The following ANKS1A variants were observed in gnomAD, a reference collection of about 807,000 sequenced individuals.
ANKS1A encodes the protein ankyrin repeat and sterile alpha motif domain containing 1A, also known as ankyrin repeat and SAM domain-containing protein 1A.
In ANKS1A, 55 loss-of-function variants were observed where a neutral mutation model predicts 120.3. That is an observed-to-expected ratio of 0.46 (90% CI 0.37 to 0.57). ANKS1A has a LOEUF of 0.57. Ranked by LOEUF, ANKS1A falls within the 20% of genes least tolerant of loss-of-function variation. The pLI, the probability that ANKS1A is intolerant of heterozygous loss-of-function variation, is 0.00. For synonymous variants in ANKS1A, 590 were observed against 604.7 expected (o/e 0.98, Z 0.36); for missense variants, 1,123 against 1,480.3 (o/e 0.76, Z 3.96).
rs1778131838 is a variant in ANKS1A at position 35,088,682 on chromosome 6, T to C, written c.*73T>C. On this transcript the variant is annotated 3_prime_UTR_variant, in exon 24 of 24. Transcript: ENST00000360359. ...TAGGCTCCCACTGCCACCACCGCCA[T>C]CGCCTCACCTGCAGCTCTGAAGACC... is the stretch of plus-strand genomic sequence containing the variant. 1 of 1,613,344 alleles carries C rather than the reference T, an allele frequency of 6.2e-7. No individual in the cohort carries two copies. Among genetic ancestry groups the C allele is most frequent in the Non-Finnish European group, 8.5e-7 (1 of 1,179,582 alleles).
In ANKS1A at chr6:35,086,001, G is replaced by T; in HGVS notation, c.3303+65G>T. On this transcript the variant is annotated intron_variant, in intron 22 of 23. Transcript: ENST00000360359. The surrounding 1 kb of genome is among the most constrained non-coding windows in gnomAD (Gnocchi z 5.1). Reference sequence around the variant, plus strand: ...CCCCAGGGATTCAAGGGCTCAGGGTGGTCAGCGTGAGGAGGGTCTTCTGGC... The same window carrying T: ...CCCCAGGGATTCAAGGGCTCAGGGTTGTCAGCGTGAGGAGGGTCTTCTGGC... 1 of 1,512,582 alleles carries T rather than the reference G, an allele frequency of 6.6e-7. No individual in the cohort carries two copies. The highest frequency in any genetic ancestry group is 1.3e-5 in the South Asian group (1 of 76,338). 93.7% of individuals were successfully genotyped at this position (1,512,582 alleles called of 1,614,324 possible).
chr6:34,967,208 T>C, intron 1 of ANKS1A, 31 bp from the exon 2 acceptor site: 13 of 1,603,678 alleles, frequency 8.1e-6, no homozygotes, highest in Non-Finnish European at 1.1e-5. Context: ...CTGTGAAATC[T>C]ATGTCTCTCT....
At position 35,091,199 on chromosome 6, in the gene ANKS1A, A is replaced by G; in HGVS notation, c.*2590A>G. ...ATGACTTTCCCTTTTGTTTTACTGTATATAAAATTGTTAATCTGTCTGATT... is the reference window on the plus strand; with the variant it reads ...ATGACTTTCCCTTTTGTTTTACTGTGTATAAAATTGTTAATCTGTCTGATT... On this transcript the variant is annotated 3_prime_UTR_variant, in exon 24 of 24. Transcript: ENST00000360359. 3.0e-6 allele frequency: 3 copies of G among 985,858 alleles called. No homozygotes were observed. Among genetic ancestry groups the G allele is most frequent in the Middle Eastern group, 5.2e-4 (1 of 1,914 alleles). 61.1% of individuals were successfully genotyped at this position (985,858 alleles called of 1,614,324 possible).
chr6:35,071,726 C>T (rs1245792204), intron 13 of ANKS1A, among the ~76,000 whole-genome samples: 3 of 152,248 alleles, frequency 2.0e-5, no homozygotes, highest in Non-Finnish European at 4.4e-5. Flanking sequence ...AACTTCTCTG[C>T]GGTTTGGATG....
intron 10 of ANKS1A, among the ~76,000 whole-genome samples, chr6:35,002,936 T>G (rs1236788448): frequency 6.7e-6 from 1 of 150,120 alleles, no homozygotes; most frequent in Non-Finnish European, 1.5e-5. Context: ...GCAGACCGTT[T>G]AAGCCCACCC....
intron 11 of ANKS1A, among the ~76,000 whole-genome samples, chr6:35,034,491 C>G (rs34069418): frequency 8.2e-4 from 125 of 152,266 alleles, no homozygotes; most frequent in Non-Finnish European, 1.5e-3. Context: ...TACAAGATTC[C>G]TGGGTCTAGA....
At chr6:34,978,303 A>G (rs1279327396) in intron 3 of ANKS1A, among the ~76,000 whole-genome samples, 4 of 152,156 alleles carry the variant, frequency 2.6e-5, no homozygotes, top group Admixed American at 6.5e-5. Flanking sequence ...GTGCAAAAGC[A>G]TTGGGGGAAA....
At position 34,889,379 on chromosome 6, in the gene ANKS1A, G is replaced by C; in HGVS notation, c.-24G>C. ...GCTCGGCTGCAGCCTCGGGGAGGGG[G>C]TCCAGCGGGTGGCGGCCCTGGGGAT... On this transcript the variant is annotated 5_prime_UTR_variant, in exon 1 of 24. Coordinates refer to ENST00000360359, the MANE Select transcript of ANKS1A (RefSeq NM_015245.3). The surrounding 1 kb of genome is among the most constrained non-coding windows in gnomAD (Gnocchi z 5.5). 8.0e-7 allele frequency: 1 copy of C among 1,257,746 alleles called. No homozygotes were observed. The highest frequency in any genetic ancestry group is 1.0e-6 in the Non-Finnish European group (1 of 1,003,956). 77.9% of individuals were successfully genotyped at this position (1,257,746 alleles called of 1,614,324 possible).
At chr6:34,940,799 T>C (rs1444150867) in intron 1 of ANKS1A, among the ~76,000 whole-genome samples, 2 of 151,616 alleles carry the variant, frequency 1.3e-5, no homozygotes, top group Non-Finnish European at 2.9e-5. Context: ...TCCCAGCTAC[T>C]TGGGAGGCTG....
chr6:34,994,489 G>A, intron 10 of ANKS1A, 67 bp downstream of exon 10: 11 of 1,576,292 alleles, frequency 7.0e-6, no homozygotes, highest in Non-Finnish European at 9.5e-6. Context: ...GATCCTGAGT[G>A]GAAGGGGAAG....
At chr6:35,065,505 A>T (rs1043340882) in intron 13 of ANKS1A, among the ~76,000 whole-genome samples, 1 of 152,170 alleles carries the variant, frequency 6.6e-6, no homozygotes, top group Non-Finnish European at 1.5e-5. Context: ...ATGTCTAGGT[A>T]CTCACTCAGC....
rs1278638495 is a variant in ANKS1A at position 34,981,870 on chromosome 6, C to T, written c.616C>T (p.Pro206Ser). Residue 206 changes from proline to serine, a missense_variant, in exon 4 of 24, where the codon CCC becomes TCC. Pro to Ser is a moderately conservative substitution (Grantham distance 74, BLOSUM62 -1). Around this residue, in one of 3 missense-constraint regions of ANKS1A, gnomAD observed 146 missense variants for 267.8 expected, o/e 0.55. Transcript: ENST00000360359. ...EVVKMLLNAHPNLLSCNTKKH... is the reference protein window; with the variant it reads ...EVVKMLLNAHSNLLSCNTKKH... ...GGTGAAAATGCTCCTTAATGCACACCCCAACCTCCTGAGCTGCAACACTAA... is the reference window on the plus strand; with the variant it reads ...GGTGAAAATGCTCCTTAATGCACACTCCAACCTCCTGAGCTGCAACACTAA... The T allele has an allele frequency of 6.2e-7, 1 of 1,614,036 alleles. No individual in the cohort carries two copies.
intron 3 of ANKS1A, among the ~76,000 whole-genome samples, chr6:34,978,126 T>C (rs1771701762): frequency 2.0e-5 from 3 of 152,046 alleles, no homozygotes; most frequent in African/African-American, 7.2e-5. Context: ...ACCCAGCTAA[T>C]TTTTGTATTT....
chr6:35,051,333 C>G (rs560600389), intron 11 of ANKS1A, among the ~76,000 whole-genome samples: 134 of 152,356 alleles, frequency 8.8e-4, no homozygotes, highest in African/African-American at 2.9e-3. Context: ...ACTCTGATGC[C>G]AAAAGGCCCT....
chr6:35,077,437 G>A (rs941308236), intron 13 of ANKS1A, among the ~76,000 whole-genome samples: 2 of 152,316 alleles, frequency 1.3e-5, no homozygotes, highest in South Asian at 2.1e-4. Context: ...ACAAGGCACC[G>A]AGCGTGTGCG....
chr6:34,969,501 C>T (rs367602672), intron 2 of ANKS1A, among the ~76,000 whole-genome samples: 3 of 152,274 alleles, frequency 2.0e-5, no homozygotes, highest in South Asian at 2.1e-4. Flanking sequence ...GTGATCCACC[C>T]GCCTCAGCCT....
Position 35,070,775 on chromosome 6 carries a change from T to C in ANKS1A, c.2185-7783T>C, listed in dbSNP as rs143456579. The C allele has an allele frequency of 4.3e-4, 162 of 377,566 alleles. 2 individuals are homozygous for C. The East Asian group carries it at 9.8e-3, about 23-fold the overall frequency. 23.4% of individuals were successfully genotyped at this position (377,566 alleles called of 1,614,324 possible). Reference sequence around the variant, plus strand: ...CTGGGATTACAGGCGTGAGCCACCGTGCACAGCCCACAAGCCTTTATCTTA... The same window carrying C: ...CTGGGATTACAGGCGTGAGCCACCGCGCACAGCCCACAAGCCTTTATCTTA... On this transcript the variant is annotated intron_variant, in intron 13 of 23. Transcript: ENST00000360359.
chr6:35,002,716 G>T (rs1378755323), intron 10 of ANKS1A, among the ~76,000 whole-genome samples: 1 of 151,668 alleles, frequency 6.6e-6, no homozygotes, highest in African/African-American at 2.4e-5. Flanking sequence ...ATGAATTCCC[G>T]GCCCTAAAGA....
At position 35,091,244 on chromosome 6, in the gene ANKS1A, T is replaced by G. The variant is rs1166146293; in HGVS notation, c.*2635T>G. 18 of 985,808 alleles carry G rather than the reference T, an allele frequency of 1.8e-5. No homozygotes were observed. The highest frequency in any genetic ancestry group is 2.2e-5 in the Non-Finnish European group (18 of 829,960). The allele number at this position is 985,808 out of a possible 1,614,324, so 61.1% of individuals were successfully genotyped here. On this transcript the variant is annotated 3_prime_UTR_variant, in exon 24 of 24. Transcript: ENST00000360359. ...CTGATTTTGTCTGAATTATAAACAC[T>G]TTGAGGTACCAAACATAACCAATCT...
Sources: allele counts gnomAD v4.1 joint callset (sites outside exome capture counted in the v4.1 genomes callset), GRCh38; gene constraint gnomAD v4.1.1; regional missense constraint gnomAD v4.1.1; non-coding constraint Gnocchi (gnomAD v3.1); transcripts MANE v1.5; gene names NCBI Gene and HGNC (gene_info 2026-07-23, HGNC 2026-07-21).